Variants in SPATA6 observed in about 807,000 individuals in gnomAD.
SPATA6 encodes spermatogenesis associated 6, also known as spermatogenesis-associated protein 6.
In SPATA6, 56 loss-of-function variants were observed where a neutral mutation model predicts 65.3. That is an observed-to-expected ratio of 0.86 (90% CI 0.69 to 1.07). The LOEUF is 1.07. Among genes scored for constraint, SPATA6 ranks in the 50% least tolerant of loss-of-function variants. SPATA6 has a pLI of 0.00. For synonymous variants in SPATA6, 199 were observed against 213.2 expected (o/e 0.93, Z 0.58); for missense variants, 590 against 594.8 (o/e 0.99, Z 0.08).
chr1:48,381,040 G>T (rs1485831886), intron 9 of SPATA6, among the ~76,000 whole-genome samples: 1 of 152,168 alleles, frequency 6.6e-6, no homozygotes, highest in African/African-American at 2.4e-5. Flanking sequence ...ACACAACCTA[G>T]ATCCCTCATA....
At chr1:48,302,638 C>T (rs950584468) in intron 12 of SPATA6, among the ~76,000 whole-genome samples, 3 of 152,118 alleles carry the variant, frequency 2.0e-5, no homozygotes, top group Non-Finnish European at 4.4e-5. Flanking sequence ...TATAATTCTG[C>T]CCTGGATTTT....
chr1:48,301,597 T>C (rs975605220), intron 12 of SPATA6, among the ~76,000 whole-genome samples: 3 of 149,508 alleles, frequency 2.0e-5, no homozygotes, highest in Non-Finnish European at 3.0e-5. Flanking sequence ...CAGAACGAAG[T>C]TGGAGGCATC....
chr1:48,408,882 T>C (rs1317002173), intron 5 of SPATA6, among the ~76,000 whole-genome samples: 2 of 152,088 alleles, frequency 1.3e-5, no homozygotes, highest in Non-Finnish European at 2.9e-5. Flanking sequence ...TCCCACCAGG[T>C]CCCTCCCATA....
At chr1:48,415,987 G>A (rs1652742606) in intron 3 of SPATA6, among the ~76,000 whole-genome samples, 1 of 152,138 alleles carries the variant, frequency 6.6e-6, no homozygotes. Flanking sequence ...TGGATTGCTT[G>A]AGCTCAGGAG....
In SPATA6 at chr1:48,399,556, T is replaced by C. The variant is rs1462188115; in HGVS notation, c.575A>G (p.Lys192Arg). 1.2e-6 allele frequency: 2 copies of C among 1,613,032 alleles called. No homozygotes were observed. The highest frequency in any genetic ancestry group is 8.5e-7 in the Non-Finnish European group (1 of 1,179,338). ...RTSRSQKKKS[K>R]SPERSKYCIN... is the part of the protein sequence containing the mutation. ...ACAGTATTTACTTCTCTCAGGTGAC[T>C]TGGATTTTTTCTTTTGTGATCTTGA... is the stretch of plus-strand genomic sequence containing the variant. Residue 192 changes from lysine (K) to arginine (R), a missense_variant, in exon 7 of 13, where the codon AAG becomes AGG. Lys to Arg is a conservative substitution (Grantham distance 26). Coordinates refer to ENST00000371847, the MANE Select transcript of SPATA6 (RefSeq NM_019073.4).
intron 3 of SPATA6, among the ~76,000 whole-genome samples, chr1:48,445,394 T>A (rs1655920597): frequency 6.6e-6 from 1 of 152,188 alleles, no homozygotes; most frequent in African/African-American, 2.4e-5. Context: ...CTGGGCGTGG[T>A]GGCTCACGCC....
chr1:48,322,196 T>TA, intron 11 of SPATA6, among the ~76,000 whole-genome samples: 1 of 151,808 alleles, frequency 6.6e-6, no homozygotes, highest in Non-Finnish European at 1.5e-5. Context: ...AAGAAATAAA[T>TA]AAAGTTGAAT....
chr1:48,371,270 T>TATAG (rs59198017), intron 9 of SPATA6, among the ~76,000 whole-genome samples: 32,567 of 131,302 alleles, frequency 0.25, 3,507 homozygotes, highest in Admixed American at 0.27. Flanking sequence ...TATGTATCTA[T>TATAG]ATAGATAGAT....
chr1:48,347,462 T>C (rs1275281944), intron 11 of SPATA6, among the ~76,000 whole-genome samples: 7 of 126,074 alleles, frequency 5.6e-5, no homozygotes, highest in African/African-American at 2.2e-4. Context: ...ATAATGTATA[T>C]ATAATATAAT....
chr1:48,391,220 A>G (rs1650030760), intron 8 of SPATA6, among the ~76,000 whole-genome samples: 1 of 151,644 alleles, frequency 6.6e-6, no homozygotes, highest in Admixed American at 6.6e-5. Flanking sequence ...AAAAAAAAAA[A>G]AAATTAGTTG....
the SPATA6 span, among the ~76,000 whole-genome samples, chr1:48,282,440 G>C: frequency 8.5e-5 from 13 of 152,086 alleles, no homozygotes; most frequent in African/African-American, 1.7e-4. Context: ...ACTCATCTGA[G>C]AAAGGGGCTA....
chr1:48,281,525 T>C, the SPATA6 span, among the ~76,000 whole-genome samples: 1 of 152,128 alleles, frequency 6.6e-6, no homozygotes, highest in Non-Finnish European at 1.5e-5. Flanking sequence ...TCACAAGTAT[T>C]CTTATACACC....
At chr1:48,370,738 A>T (rs1054928063) in intron 9 of SPATA6, among the ~76,000 whole-genome samples, 1 of 152,338 alleles carries the variant, frequency 6.6e-6, no homozygotes, top group Middle Eastern at 3.4e-3. Context: ...GTAAGAAAAT[A>T]AAAGCAAAAT....
chr1:48,424,041 A>G (rs968672459), intron 3 of SPATA6, among the ~76,000 whole-genome samples: 2 of 152,198 alleles, frequency 1.3e-5, no homozygotes, highest in African/African-American at 4.8e-5. Context: ...ATACAATTAA[A>G]GTATTACTGA....
intron 8 of SPATA6, among the ~76,000 whole-genome samples, chr1:48,388,867 C>T (rs1437505750): frequency 6.6e-6 from 1 of 152,084 alleles, no homozygotes; most frequent in Non-Finnish European, 1.5e-5. Flanking sequence ...TGCCACCACA[C>T]CCACCTAATT....
chr1:48,428,368 C>T (rs1420029273), intron 3 of SPATA6, among the ~76,000 whole-genome samples: 2 of 152,160 alleles, frequency 1.3e-5, no homozygotes, highest in Non-Finnish European at 2.9e-5. Flanking sequence ...GCAGGAGAAT[C>T]GCTGAACCCA....
intron 12 of SPATA6, among the ~76,000 whole-genome samples, chr1:48,300,412 A>T (rs762232855): frequency 5.3e-5 from 8 of 152,160 alleles, no homozygotes; most frequent in Non-Finnish European, 7.3e-5. Flanking sequence ...AATGAATAAC[A>T]ATATTGAAAC....
intron 3 of SPATA6, among the ~76,000 whole-genome samples, 183 bp downstream of exon 3, chr1:48,451,369 T>C (rs1325575484): frequency 6.6e-6 from 1 of 152,198 alleles, no homozygotes; most frequent in African/African-American, 2.4e-5. Flanking sequence ...CTGCAGCATA[T>C]ATATCTTTTA....
intron 9 of SPATA6, among the ~76,000 whole-genome samples, chr1:48,382,366 G>C (rs1406974760): frequency 9.2e-6 from 1 of 109,182 alleles, no homozygotes. Context: ...CGGACGGGGC[G>C]GCTGGCCAGG....
Sources: gnomAD v4.1 joint callset for allele counts (sites outside exome capture counted in the v4.1 genomes callset) on GRCh38, gnomAD v4.1.1 for gene constraint, MANE v1.5 for transcripts, NCBI Gene and HGNC (gene_info 2026-07-23, HGNC 2026-07-21) for gene names.